AKAP6: variants seen among roughly 807,000 people sequenced by gnomAD.
AKAP6 encodes A-kinase anchor protein 6.
A neutral mutation model predicts 188.5 loss-of-function variants in AKAP6; 58 were observed. That is an observed-to-expected ratio of 0.31 (90% CI 0.25 to 0.38). AKAP6 has a LOEUF of 0.38. AKAP6 is among the 10% of genes least tolerant of loss of function. The probability of loss-of-function intolerance (pLI) is 1.00; values close to 1 mark genes in which losing one functional copy is unlikely to be tolerated. For synonymous variants in AKAP6, 989 were observed against 998.6 expected (o/e 0.99, Z 0.18); for missense variants, 2,710 against 2,740.0 (o/e 0.99, Z 0.24).
intron 1 of AKAP6, among the ~76,000 whole-genome samples, chr14:32,352,017 G>C (rs1292607449): frequency 6.6e-6 from 1 of 151,840 alleles, no homozygotes; most frequent in Non-Finnish European, 1.5e-5. Flanking sequence ...TGATGTAGAA[G>C]CTATAGAGAG....
intron 4 of AKAP6, among the ~76,000 whole-genome samples, chr14:32,567,490 T>C (rs1457329195): frequency 6.6e-6 from 1 of 152,228 alleles, no homozygotes; most frequent in Non-Finnish European, 1.5e-5. Flanking sequence ...CGTAGCATTT[T>C]CTTGCTCGTT....
At chr14:32,329,436 T>G (rs1050265922) in intron 1 of AKAP6, 28 bp downstream of exon 1, 1 of 152,154 alleles carries the variant, frequency 6.6e-6, no homozygotes, top group Non-Finnish European at 1.5e-5. Context: ...GGGCCTTAAT[T>G]GCACGGCTGT....
chr14:32,352,317 C>G (rs1325805850), intron 1 of AKAP6, among the ~76,000 whole-genome samples: 2 of 150,934 alleles, frequency 1.3e-5, no homozygotes, highest in African/African-American at 4.9e-5. Context: ...TTGGGGGGTA[C>G]AGTGTGATGT....
chr14:32,735,589 T>G, intron 10 of AKAP6, 69 bp from the exon 11 acceptor site: 1 of 1,260,150 alleles, frequency 7.9e-7, no homozygotes, highest in Middle Eastern at 2.5e-4. Flanking sequence ...TGTTTTTGTT[T>G]TTTTGTTGTT....
intron 12 of AKAP6, among the ~76,000 whole-genome samples, chr14:32,799,344 C>G (rs1051100358): frequency 3.3e-5 from 5 of 151,862 alleles, no homozygotes; most frequent in African/African-American, 1.2e-4. Flanking sequence ...TTTTTTTCTT[C>G]TGCTTCATTT....
At chr14:32,390,397 G>A (rs1888671449) in intron 1 of AKAP6, among the ~76,000 whole-genome samples, 1 of 152,106 alleles carries the variant, frequency 6.6e-6, no homozygotes, top group Non-Finnish European at 1.5e-5. Context: ...GTGAGCTAGT[G>A]TGATTTTTTG....
rs562181714 is a variant in AKAP6, at chr14:32,490,906, G to C, written c.325-44648G>C. Among the ~76,000 whole-genome samples, 102 of 152,254 alleles carry C rather than the reference G, an allele frequency of 6.7e-4. No homozygotes were observed. The Middle Eastern group carries it at 0.01, about 15-fold the overall frequency. ...AAATATCAAGAAATAATATAAATTG[G>C]CAATTTAAGATTCAGTCAAAGTGCA... On this transcript the variant is annotated intron_variant, in intron 2 of 13. Transcript: ENST00000280979.
chr14:32,395,708 C>T (rs1192121183), intron 1 of AKAP6, among the ~76,000 whole-genome samples: 1 of 151,992 alleles, frequency 6.6e-6, no homozygotes, highest in Non-Finnish European at 1.5e-5. Flanking sequence ...CTTATTTTTC[C>T]CCCTATTTAT....
intron 1 of AKAP6, among the ~76,000 whole-genome samples, chr14:32,383,699 G>A (rs1377220413): frequency 1.1e-4 from 17 of 152,122 alleles, no homozygotes; most frequent in Non-Finnish European, 1.5e-5. Flanking sequence ...CTTTTCCTTG[G>A]TTGATCTCAG....
intron 5 of AKAP6, among the ~76,000 whole-genome samples, chr14:32,591,110 A>C (rs1389687374): frequency 6.6e-6 from 1 of 151,820 alleles, no homozygotes; most frequent in African/African-American, 2.4e-5. Context: ...TCAATCTATC[A>C]CTCTTGTGAA....
intron 5 of AKAP6, among the ~76,000 whole-genome samples, chr14:32,593,952 C>T (rs1885585599): frequency 6.6e-6 from 1 of 152,126 alleles, no homozygotes; most frequent in African/African-American, 2.4e-5. Flanking sequence ...AGAACCTCAA[C>T]AATAAAGAAC....
At chr14:32,635,742 CAT>C (rs1887457922) in intron 7 of AKAP6, among the ~76,000 whole-genome samples, 1 of 151,962 alleles carries the variant, frequency 6.6e-6, no homozygotes, top group Non-Finnish European at 1.5e-5. Flanking sequence ...TTAATAAACA[CAT>C]AAAGAATGTT....
At position 32,834,533 on chromosome 14, in the gene AKAP6, C is replaced by CTTTTTTTTTTTTTTTTTTTT. The variant is rs11417769; in HGVS notation, c.*4730_*4749dup. 1 of 103,874 alleles carries CTTTTTTTTTTTTTTTTTTTT rather than the reference C, an allele frequency of 9.6e-6. No homozygotes were observed. Among genetic ancestry groups the CTTTTTTTTTTTTTTTTTTTT allele is most frequent in the South Asian group, 3.6e-4 (1 of 2,756 alleles). The allele number at this position is 103,874 out of a possible 1,614,324, so 6.4% of individuals were successfully genotyped here. A position where few individuals can be genotyped will look rare whatever the true frequency, so the allele number is the denominator to read the frequency against. On this transcript the variant is annotated 3_prime_UTR_variant, in exon 14 of 14. Transcript: ENST00000280979. ...CACACACTGCTTTTAGTTTCCAAGT[C>CTTTTTTTTTTTTTTTTTTTT]TTTTTTTTTTTTTTTTTTTTTAAAT...
At chr14:32,826,329 A>G (rs1329259631) in intron 13 of AKAP6, among the ~76,000 whole-genome samples, 1 of 152,174 alleles carries the variant, frequency 6.6e-6, no homozygotes, top group Non-Finnish European at 1.5e-5. Flanking sequence ...AGAGAAATGT[A>G]TTTTCTGTGA....
At chr14:32,580,839 G>C (rs1254316316) in intron 5 of AKAP6, among the ~76,000 whole-genome samples, 3 of 152,092 alleles carry the variant, frequency 2.0e-5, no homozygotes, top group African/African-American at 4.8e-5. Context: ...TACTGAGAAT[G>C]ATGATTTCCA....
At chr14:32,756,494 C>G (rs1307348358) in intron 11 of AKAP6, among the ~76,000 whole-genome samples, 1 of 152,170 alleles carries the variant, frequency 6.6e-6, no homozygotes, top group Non-Finnish European at 1.5e-5. Flanking sequence ...GCAACAGTGA[C>G]TGGCCTGGAG....
intron 2 of AKAP6, among the ~76,000 whole-genome samples, chr14:32,509,325 G>T (rs150168883): frequency 0.082 from 12,405 of 151,316 alleles, 554 homozygotes; most frequent in Non-Finnish European, 0.1. Context: ...ACGGGGTTTC[G>T]CCATGTTGTC....
intron 1 of AKAP6, among the ~76,000 whole-genome samples, chr14:32,405,538 A>T (rs902358928): frequency 2.1e-4 from 32 of 152,278 alleles, no homozygotes; most frequent in Non-Finnish European, 3.4e-4. Context: ...TTCAGATTTC[A>T]GTTTGCAGTT....
chr14:32,689,082 C>A (rs536757703), intron 8 of AKAP6, among the ~76,000 whole-genome samples: 1 of 152,172 alleles, frequency 6.6e-6, no homozygotes, highest in Non-Finnish European at 1.5e-5. Context: ...AAAAAATCAT[C>A]TCTTTGTCTT....
Sources: gnomAD v4.1 joint callset for allele counts (sites outside exome capture counted in the v4.1 genomes callset) on GRCh38, gnomAD v4.1.1 for gene constraint, MANE v1.5 for transcripts, NCBI Gene and HGNC (gene_info 2026-07-23, HGNC 2026-07-21) for gene names.